The following EXOC6B variants were observed in gnomAD, a reference collection of about 807,000 sequenced individuals.
EXOC6B encodes the protein exocyst complex component 6B, also known as SEC15 homolog B.
In EXOC6B, 54 loss-of-function variants were observed where a neutral mutation model predicts 113.5. That is an observed-to-expected ratio of 0.48 (90% CI 0.38 to 0.60). The LOEUF is 0.60. EXOC6B is among the 20% of genes least tolerant of loss of function. The pLI, the probability that EXOC6B is intolerant of heterozygous loss-of-function variation, is 0.00. For missense variants in EXOC6B, 797 were observed against 977.5 expected (o/e 0.82, Z 2.46); for synonymous variants, 357 against 339.0 (o/e 1.05, Z -0.58).
At chr2:72,374,079 AT>A (rs1558604056) in intron 19 of EXOC6B, among the ~76,000 whole-genome samples, 4 of 152,058 alleles carry the variant, frequency 2.6e-5, no homozygotes, top group Admixed American at 6.6e-5. Context: ...CAAAAAAAAA[AT>A]TTTTTTTTAA....
At chr2:72,586,970 T>C (rs1705629219) in intron 6 of EXOC6B, among the ~76,000 whole-genome samples, 2 of 152,160 alleles carry the variant, frequency 1.3e-5, no homozygotes, top group Admixed American at 1.3e-4. Flanking sequence ...GGTGGGAATG[T>C]AAATTAATTC....
At chr2:72,750,668 C>T (rs1395201449) in intron 1 of EXOC6B, among the ~76,000 whole-genome samples, 3 of 152,116 alleles carry the variant, frequency 2.0e-5, no homozygotes. Context: ...AATTTGAAAG[C>T]ACATGCCAGC....
chr2:72,266,920 C>A (rs547115189), intron 20 of EXOC6B, among the ~76,000 whole-genome samples: 2 of 152,280 alleles, frequency 1.3e-5, no homozygotes, highest in South Asian at 4.1e-4. Context: ...TTTGTCTCCT[C>A]TTTTATTTCA....
chr2:72,208,594 A>G (rs1050719423), intron 20 of EXOC6B, among the ~76,000 whole-genome samples: 3 of 152,126 alleles, frequency 2.0e-5, no homozygotes, highest in Admixed American at 6.5e-5. Flanking sequence ...TCCTTTAGGT[A>G]TATACCCAGT....
chr2:72,379,860 G>A lies in EXOC6B; in HGVS notation c.1991C>T (p.Ala664Val). The change falls in exon 19 of 22, where the codon GCC (alanine) becomes GTC (valine). Residue 664 changes from alanine to valine, a missense_variant. Physicochemically the swap from Ala to Val is moderately conservative, Grantham distance 64. Transcript: ENST00000272427. ...GCAAGCTGACATACACGCTGTCTGG[G>A]CCACCTTTCCCTGAAACACAAGAGT... ...AVFTHLPGKVAQTACMSACKH... is the reference protein window; with the variant it reads ...AVFTHLPGKVVQTACMSACKH... 6.2e-7 allele frequency: 1 copy of A among 1,607,442 alleles called. No homozygotes were observed. The highest frequency in any genetic ancestry group is 1.3e-5 in the African/African-American group (1 of 74,886).
chr2:72,289,687 T>C (rs1416368254), intron 20 of EXOC6B, among the ~76,000 whole-genome samples: 1 of 152,240 alleles, frequency 6.6e-6, no homozygotes, highest in African/African-American at 2.4e-5. Context: ...TGGGTGTCTC[T>C]GTGAGGGTAT....
intron 2 of EXOC6B, among the ~76,000 whole-genome samples, chr2:72,736,203 A>C (rs1249559889): frequency 6.7e-6 from 1 of 150,180 alleles, no homozygotes; most frequent in African/African-American, 2.5e-5. Context: ...TAAAAAAAAA[A>C]AAACAAAACA....
At position 72,672,242 on chromosome 2, in the gene EXOC6B, G is replaced by A. The variant is rs543480832; in HGVS notation, c.669+45861C>T. ...AAAGATGAAATCAATATATCAAAGA[G>A]ATATCTACACTCGCATGTTTATTGC... On this transcript the variant is annotated intron_variant, in intron 6 of 21. Coordinates refer to ENST00000272427, the MANE Select transcript of EXOC6B (RefSeq NM_015189.3). Among the ~76,000 whole-genome samples, 73 of 145,884 alleles carry A rather than the reference G, an allele frequency of 5.0e-4. No individual in the cohort carries two copies. In the South Asian group the frequency reaches 0.014, roughly 28 times the overall value.
chr2:72,789,281 T>C (rs376003712), intron 1 of EXOC6B, among the ~76,000 whole-genome samples: 16 of 152,328 alleles, frequency 1.1e-4, no homozygotes, highest in African/African-American at 3.1e-4. Flanking sequence ...TATGATCAAA[T>C]GAGCTAACAT....
chr2:72,819,492 A>G (rs1343052717), intron 1 of EXOC6B, among the ~76,000 whole-genome samples: 1 of 152,080 alleles, frequency 6.6e-6, no homozygotes, highest in Non-Finnish European at 1.5e-5. Context: ...TTTATTTCCT[A>G]TCTCCTCCTC....
At chr2:72,686,730 G>A (rs1677113683) in intron 6 of EXOC6B, among the ~76,000 whole-genome samples, 1 of 152,074 alleles carries the variant, frequency 6.6e-6, no homozygotes, top group African/African-American at 2.4e-5. Context: ...TATTCCTTCT[G>A]ACTACAAAAG....
chr2:72,380,294 A>G (rs1691605238), intron 18 of EXOC6B, among the ~76,000 whole-genome samples: 2 of 152,180 alleles, frequency 1.3e-5, no homozygotes, highest in African/African-American at 4.8e-5. Context: ...AATAATCCCC[A>G]CTGTATCTAG....
chr2:72,707,612 C>T (rs1678973560), intron 6 of EXOC6B, among the ~76,000 whole-genome samples: 1 of 151,968 alleles, frequency 6.6e-6, no homozygotes, highest in Non-Finnish European at 1.5e-5. Context: ...CTGAGTTTCA[C>T]CATCTTGGCC....
chr2:72,433,583 G>C (rs1164382494), intron 18 of EXOC6B, among the ~76,000 whole-genome samples: 3 of 152,038 alleles, frequency 2.0e-5, no homozygotes, highest in African/African-American at 4.8e-5. Flanking sequence ...TTATTTCCTT[G>C]AGCAGTGGTT....
intron 8 of EXOC6B, among the ~76,000 whole-genome samples, chr2:72,534,212 G>A (rs1402051228): frequency 6.6e-6 from 1 of 151,954 alleles, no homozygotes; most frequent in African/African-American, 2.4e-5. Context: ...AAAAAAAAAT[G>A]ACAAAAATTA....
chr2:72,459,115 T>C (rs1184901727), intron 18 of EXOC6B, among the ~76,000 whole-genome samples: 2 of 152,148 alleles, frequency 1.3e-5, no homozygotes, highest in African/African-American at 4.8e-5. Context: ...CACATGATTA[T>C]CTCAATAGAG....
intron 20 of EXOC6B, among the ~76,000 whole-genome samples, chr2:72,204,785 A>G (rs1163656838): frequency 1.3e-5 from 2 of 152,164 alleles, no homozygotes; most frequent in African/African-American, 4.8e-5. Context: ...TGGGAGAGGA[A>G]GAGGGCAATG....
chr2:72,672,154 A>G (rs1025715651), intron 6 of EXOC6B, among the ~76,000 whole-genome samples: 36 of 151,344 alleles, frequency 2.4e-4, no homozygotes, highest in African/African-American at 8.5e-4. Context: ...AAAAACTAAG[A>G]ACAGAACTAC....
At chr2:72,656,423 C>G (rs1451771626) in intron 6 of EXOC6B, among the ~76,000 whole-genome samples, 1 of 151,424 alleles carries the variant, frequency 6.6e-6, no homozygotes, top group Non-Finnish European at 1.5e-5. Context: ...AAACAGAAAA[C>G]AAAGAAAAAG....
Sources: allele counts gnomAD v4.1 joint callset (sites outside exome capture counted in the v4.1 genomes callset), GRCh38; gene constraint gnomAD v4.1.1; transcripts MANE v1.5; gene names NCBI Gene and HGNC (gene_info 2026-07-23, HGNC 2026-07-21).